The following RBFOX3 variants were observed in gnomAD, a reference collection of about 807,000 sequenced individuals.
The protein encoded by RBFOX3 is RNA binding protein fox-1 homolog 3.
In RBFOX3, 17 loss-of-function variants were observed where a neutral mutation model predicts 48.7. The ratio of observed to expected loss-of-function variants is 0.35; its 90% CI spans 0.24 to 0.52. RBFOX3 has a LOEUF of 0.52. Ranked by LOEUF, RBFOX3 falls within the 20% of genes least tolerant of loss-of-function variation. The pLI, the probability that RBFOX3 is intolerant of heterozygous loss-of-function variation, is 0.94. For missense variants in RBFOX3, 382 were observed against 497.5 expected, an observed-to-expected ratio of 0.77 and a Z score of 2.21; for synonymous variants, 212 against 209.5, an observed-to-expected ratio of 1.01 and a Z score of -0.10.
chr17:79,438,531 C>A lies in RBFOX3; in HGVS notation c.-175+43923G>T, dbSNP rs142677888. On this transcript the variant is annotated intron_variant, in intron 2 of 14. Transcript: ENST00000693108. Reference sequence around the variant, plus strand: ...CTGGCTCTCCTGGATCTTGAACATTCGCCCTCACGATAGCGGGGCAGCCAG... The same window carrying A: ...CTGGCTCTCCTGGATCTTGAACATTAGCCCTCACGATAGCGGGGCAGCCAG... Among the ~76,000 whole-genome samples, 77 of 152,348 alleles carry A rather than the reference C, an allele frequency of 5.1e-4. 1 individual carries two copies. The South Asian group carries it at 7.7e-3, about 15-fold the overall frequency.
intron 1 of RBFOX3, among the ~76,000 whole-genome samples, chr17:79,484,268 C>T (rs376926184): frequency 0.011 from 1,740 of 152,306 alleles, 15 homozygotes; most frequent in Non-Finnish European, 0.019. Flanking sequence ...TACCGAAGAA[C>T]CGAAGAGCAG....
intron 2 of RBFOX3, among the ~76,000 whole-genome samples, chr17:79,385,423 G>A (rs1460966813): frequency 6.6e-6 from 1 of 152,116 alleles, no homozygotes; most frequent in Non-Finnish European, 1.5e-5. Context: ...ATCATCCATC[G>A]AGGGTGCAGG....
chr17:79,492,857 G>C (rs1295603215), intron 1 of RBFOX3, among the ~76,000 whole-genome samples: 2 of 152,232 alleles, frequency 1.3e-5, no homozygotes, highest in Admixed American at 6.5e-5. Context: ...GACACGCCAG[G>C]AGGCAGTGGT....
At chr17:79,599,534 G>A (rs1440318555) in intron 1 of RBFOX3, 1 of 152,270 alleles carries the variant, frequency 6.6e-6, no homozygotes, top group Non-Finnish European at 1.5e-5. Flanking sequence ...GGCTCCCAAG[G>A]GCAGGCTGCC....
At chr17:79,513,831 T>C (rs1054139360) in intron 1 of RBFOX3, among the ~76,000 whole-genome samples, 1 of 152,154 alleles carries the variant, frequency 6.6e-6, no homozygotes, top group Non-Finnish European at 1.5e-5. Context: ...CCTGGGTCTA[T>C]GGGGGCCCGC....
intron 4 of RBFOX3, among the ~76,000 whole-genome samples, chr17:79,146,132 C>G (rs2042987222): frequency 6.6e-6 from 1 of 152,150 alleles, no homozygotes; most frequent in African/African-American, 2.4e-5. Flanking sequence ...GATATGAATA[C>G]AGACGAAGCT....
At chr17:79,408,745 G>T (rs531734967) in intron 2 of RBFOX3, among the ~76,000 whole-genome samples, 11 of 152,282 alleles carry the variant, frequency 7.2e-5, no homozygotes, top group Admixed American at 3.9e-4. Context: ...TATAACGCCA[G>T]GTAAAGCTGA....
intron 3 of RBFOX3, among the ~76,000 whole-genome samples, chr17:79,284,861 C>A (rs1272968806): frequency 6.6e-6 from 1 of 152,058 alleles, no homozygotes; most frequent in Non-Finnish European, 1.5e-5. Flanking sequence ...TTATGACTGC[C>A]CTGATGGACT....
At chr17:79,196,095 A>C (rs993117167) in intron 4 of RBFOX3, among the ~76,000 whole-genome samples, 1 of 152,174 alleles carries the variant, frequency 6.6e-6, no homozygotes, top group Non-Finnish European at 1.5e-5. Flanking sequence ...TGGATGGAGA[A>C]GCTGAAACCC....
At chr17:79,611,174 C>CTCTCTCTCTCTCTCTCT (rs1568454632), upstream of RBFOX3, among the ~76,000 whole-genome samples, 1 of 16,432 alleles carries the variant, frequency 6.1e-5, no homozygotes, top group Non-Finnish European at 1.1e-4. Context: ...CTCTCTCTCT[C>CTCTCTCTCTCTCTCTCT]CGCCCTCCTT....
intron 2 of RBFOX3, among the ~76,000 whole-genome samples, chr17:79,380,854 C>T (rs966110650): frequency 3.3e-5 from 5 of 152,198 alleles, no homozygotes; most frequent in Non-Finnish European, 7.3e-5. Context: ...ATTTGGACGT[C>T]GCTCCACGAG....
chr17:79,219,686 G>C (rs184990772), intron 4 of RBFOX3, among the ~76,000 whole-genome samples: 10 of 152,166 alleles, frequency 6.6e-5, no homozygotes, highest in African/African-American at 1.2e-4. Flanking sequence ...CAAGCTGCTC[G>C]TGTCTGGGCT....
chr17:79,452,583 G>A (rs1186729433), intron 2 of RBFOX3, among the ~76,000 whole-genome samples: 2 of 152,176 alleles, frequency 1.3e-5, no homozygotes, highest in African/African-American at 4.8e-5. Context: ...GGAGGTGGGG[G>A]AGTGGGAAAG....
At chr17:79,498,533 C>A (rs1290431184) in intron 1 of RBFOX3, among the ~76,000 whole-genome samples, 1 of 151,172 alleles carries the variant, frequency 6.6e-6, no homozygotes, top group Non-Finnish European at 1.5e-5. Flanking sequence ...ACTCACCCAT[C>A]CATCCACTTA....
At chr17:79,343,985 G>A (rs1028234371) in intron 2 of RBFOX3, among the ~76,000 whole-genome samples, 1 of 152,290 alleles carries the variant, frequency 6.6e-6, no homozygotes, top group Non-Finnish European at 1.5e-5. Context: ...CCACTCAAGT[G>A]GGTATGAGAG....
intron 1 of RBFOX3, among the ~76,000 whole-genome samples, chr17:79,497,854 G>T (rs2081780661): frequency 6.6e-6 from 1 of 152,190 alleles, no homozygotes. Flanking sequence ...GTCTGCCCAA[G>T]ACCTCCCCAG....
At chr17:79,118,545 G>A (rs896153575) in intron 4 of RBFOX3, among the ~76,000 whole-genome samples, 12 of 152,164 alleles carry the variant, frequency 7.9e-5, no homozygotes, top group African/African-American at 2.7e-4. Context: ...AAGAGAAAGT[G>A]TGGAAGGCAC....
chr17:79,622,577 G>A, the RBFOX3 span, among the ~76,000 whole-genome samples: 6 of 152,194 alleles, frequency 3.9e-5, no homozygotes, highest in Admixed American at 2.0e-4. Context: ...CAGCAGGACG[G>A]CTTCCTTCGG....
intron 4 of RBFOX3, among the ~76,000 whole-genome samples, chr17:79,162,677 G>C (rs1200368037): frequency 6.6e-6 from 1 of 152,006 alleles, no homozygotes; most frequent in Non-Finnish European, 1.5e-5. Context: ...TTGACCCCTC[G>C]ATCTCCTAAG....
Sources: gnomAD v4.1 joint callset for allele counts (sites outside exome capture counted in the v4.1 genomes callset) on GRCh38, gnomAD v4.1.1 for gene constraint, MANE v1.5 for transcripts, NCBI Gene and HGNC (gene_info 2026-07-23, HGNC 2026-07-21) for gene names.